The following C3orf70 variants were observed in gnomAD, a reference collection of about 807,000 sequenced individuals.
C3orf70 encodes the protein chromosome 3 open reading frame 70.
A neutral mutation model predicts 20.7 loss-of-function variants in C3orf70; 15 were observed. The observed-to-expected ratio is 0.72, with a 90% CI of 0.48 to 1.11. C3orf70 has a LOEUF of 1.11. Among genes scored for constraint, C3orf70 ranks in the 50% most tolerant of loss-of-function variants. C3orf70 has a pLI of 0.00. For missense variants in C3orf70, 332 were observed against 317.6 expected (o/e 1.05, Z -0.34); for synonymous variants, 161 against 125.7 (o/e 1.28, Z -1.88).
At chr3:185,131,753 C>T (rs1401766572) in intron 1 of C3orf70, among the ~76,000 whole-genome samples, 2 of 152,248 alleles carry the variant, frequency 1.3e-5, no homozygotes, top group South Asian at 4.1e-4. Context: ...ATAATGTTTA[C>T]TTTGAGGATA....
At chr3:185,083,695 C>A in intron 1 of C3orf70, 132 bp from the exon 2 acceptor site, 2 of 706,438 alleles carry the variant, frequency 2.8e-6, no homozygotes, top group South Asian at 4.9e-5. Context: ...GTAATAAAAT[C>A]ATTCAACATT....
chr3:185,116,286 TG>T (rs1489341493), intron 1 of C3orf70, among the ~76,000 whole-genome samples: 2 of 152,212 alleles, frequency 1.3e-5, no homozygotes, highest in African/African-American at 4.8e-5. Flanking sequence ...TATTAGATAA[TG>T]GCACATGGAA....
chr3:185,091,759 A>T (rs1427886416), intron 1 of C3orf70, among the ~76,000 whole-genome samples: 4 of 148,380 alleles, frequency 2.7e-5, no homozygotes, highest in African/African-American at 7.5e-5. Flanking sequence ...GTCTTGGCTC[A>T]CTGCAACCTC....
chr3:185,125,271 T>C (rs938417543), intron 1 of C3orf70, among the ~76,000 whole-genome samples: 3 of 151,888 alleles, frequency 2.0e-5, no homozygotes, highest in African/African-American at 4.8e-5. Flanking sequence ...CCCAGCTACT[T>C]GGGAGGCTTG....
intron 1 of C3orf70, among the ~76,000 whole-genome samples, chr3:185,084,877 G>A (rs1197505825): frequency 6.6e-6 from 1 of 152,150 alleles, no homozygotes; most frequent in Non-Finnish European, 1.5e-5. Context: ...CCACAATTGT[G>A]GGCATCATTT....
rs1217838139 is a variant in C3orf70 at position 185,097,586 on chromosome 3, A to T, written c.197-14023T>A. Among the ~76,000 whole-genome samples the T allele has an allele frequency of 2.0e-5, 3 of 152,174 alleles. No homozygotes were observed. In the East Asian group the frequency reaches 5.8e-4, roughly 29 times the overall value. On this transcript the variant is annotated intron_variant, in intron 1 of 1. Transcript: ENST00000335012. ...GTTAATCTTAATTCCAGAGTGAAAAACTTTAGCAGCTAGGTGACAGTAACA... is the reference window on the plus strand; with the variant it reads ...GTTAATCTTAATTCCAGAGTGAAAATCTTTAGCAGCTAGGTGACAGTAACA...
At chr3:185,100,069 C>G (rs908802957) in intron 1 of C3orf70, among the ~76,000 whole-genome samples, 1 of 152,082 alleles carries the variant, frequency 6.6e-6, no homozygotes, top group South Asian at 2.1e-4. Flanking sequence ...TTCTTAGAGA[C>G]CTAAAGAGAC....
chr3:185,085,713 G>GAGGTGGTATGGTAGGTGGTATGGT (rs143585542), intron 1 of C3orf70, among the ~76,000 whole-genome samples: 3,808 of 152,020 alleles, frequency 0.025, 140 homozygotes, highest in African/African-American at 0.086. Context: ...TCAGATGTAA[G>GAGGTGGTATGGTAGGTGGTATGGT]AGGTGGTATG....
At chr3:185,107,425 C>T (rs1426756706) in intron 1 of C3orf70, among the ~76,000 whole-genome samples, 1 of 152,066 alleles carries the variant, frequency 6.6e-6, no homozygotes, top group Non-Finnish European at 1.5e-5. Context: ...GGGTATGTCC[C>T]TGGTATGGGA....
At position 185,078,792 on chromosome 3, in the gene C3orf70, CTGTAGAAATA is replaced by C. The variant is rs1715259783; in HGVS notation, c.*4205_*4214del. 1 of 152,200 alleles carries C rather than the reference CTGTAGAAATA, an allele frequency of 6.6e-6. No homozygotes were observed. The highest frequency in any genetic ancestry group is 6.5e-5 in the Admixed American group (1 of 15,280). 9.4% of individuals were successfully genotyped at this position (152,200 alleles called of 1,614,324 possible). ...AAGATGTGGGAATATTAAGAGCTGA[CTGTAGAAATA>C]TTTTAACTTGTGCTTTTTCTCCTGC... On this transcript the variant is annotated 3_prime_UTR_variant, in exon 2 of 2. Coordinates refer to ENST00000335012, the MANE Select transcript of C3orf70 (RefSeq NM_001025266.3).
chr3:185,103,536 T>C (rs1290931483), intron 1 of C3orf70, among the ~76,000 whole-genome samples: 1 of 149,528 alleles, frequency 6.7e-6, no homozygotes, highest in Non-Finnish European at 1.5e-5. Context: ...GCAAAAAACA[T>C]GAACAGACAC....
At chr3:185,149,424 G>C (rs1375111440) in intron 1 of C3orf70, among the ~76,000 whole-genome samples, 1 of 149,044 alleles carries the variant, frequency 6.7e-6, no homozygotes, top group Admixed American at 6.7e-5. Context: ...AGTAAATACA[G>C]TATGATTGTG....
intron 1 of C3orf70, among the ~76,000 whole-genome samples, chr3:185,148,586 T>C (rs1716922442): frequency 6.6e-6 from 1 of 152,244 alleles, no homozygotes; most frequent in South Asian, 2.1e-4. Flanking sequence ...ATATGATTTC[T>C]TTCCCATCCC....
At chr3:185,141,035 G>A (rs1032179230) in intron 1 of C3orf70, among the ~76,000 whole-genome samples, 22 of 151,394 alleles carry the variant, frequency 1.5e-4, no homozygotes, top group East Asian at 5.8e-4. Context: ...TCCACCAAGC[G>A]AGGATATGAT....
intron 1 of C3orf70, among the ~76,000 whole-genome samples, chr3:185,127,020 A>C (rs113857477): frequency 5.1e-4 from 77 of 152,340 alleles, no homozygotes; most frequent in Non-Finnish European, 8.8e-4. Flanking sequence ...ATCTCCAGTT[A>C]ATCTGTTTTC....
At chr3:185,119,822 G>A (rs779793116) in intron 1 of C3orf70, among the ~76,000 whole-genome samples, 5 of 150,656 alleles carry the variant, frequency 3.3e-5, no homozygotes, top group East Asian at 4.0e-4. Context: ...TCAAGAGATC[G>A]AGACCATCCT....
intron 1 of C3orf70, among the ~76,000 whole-genome samples, chr3:185,113,973 G>A (rs1177377462): frequency 1.3e-5 from 2 of 152,354 alleles, no homozygotes; most frequent in African/African-American, 2.4e-5. Flanking sequence ...GCCGAGGTGG[G>A]TGGATCACCT....
intron 1 of C3orf70, among the ~76,000 whole-genome samples, chr3:185,111,040 G>A (rs527666749): frequency 3.3e-5 from 5 of 152,070 alleles, no homozygotes; most frequent in Admixed American, 3.3e-4. Flanking sequence ...TGACTGAGCT[G>A]TTCTTGGCAC....
chr3:185,144,902 T>C (rs1317510917), intron 1 of C3orf70, among the ~76,000 whole-genome samples: 1 of 152,182 alleles, frequency 6.6e-6, no homozygotes, highest in African/African-American at 2.4e-5. Context: ...CCATGGCGCT[T>C]GGATGAAACA....
Sources: allele counts gnomAD v4.1 joint callset (sites outside exome capture counted in the v4.1 genomes callset), GRCh38; gene constraint gnomAD v4.1.1; transcripts MANE v1.5; gene names NCBI Gene and HGNC (gene_info 2026-07-23, HGNC 2026-07-21).